GLIS3: variants seen among roughly 807,000 people sequenced by gnomAD.
GLIS3 encodes zinc finger protein GLIS3.
GLIS3 carries 53 observed loss-of-function variants against 78.6 expected under a neutral mutation model. The observed-to-expected ratio is 0.67, with a 90% CI of 0.54 to 0.85. GLIS3 has a LOEUF of 0.85. Ranked by LOEUF, GLIS3 falls within the 40% of genes least tolerant of loss-of-function variation. GLIS3 has a pLI of 0.00. For missense variants in GLIS3, 1,703 were observed against 1,231.1 expected, an observed-to-expected ratio of 1.38 and a Z score of -5.74; for synonymous variants, 684 against 509.9, an observed-to-expected ratio of 1.34 and a Z score of -4.60.
intron 2 of GLIS3, among the ~76,000 whole-genome samples, chr9:4,128,944 C>T (rs1224163908): frequency 2.0e-5 from 3 of 152,166 alleles, no homozygotes; most frequent in East Asian, 1.9e-4. Flanking sequence ...CAACTTTAAC[C>T]CCATCTAAGC....
the GLIS3 span, among the ~76,000 whole-genome samples, chr9:4,392,974 T>C: frequency 2.0e-5 from 3 of 152,150 alleles, no homozygotes; most frequent in Non-Finnish European, 4.4e-5. Flanking sequence ...CTTAACTTGT[T>C]TTTTAAAGTG....
intron 2 of GLIS3, among the ~76,000 whole-genome samples, chr9:4,194,126 C>T (rs1818582549): frequency 6.6e-6 from 1 of 152,104 alleles, no homozygotes; most frequent in Non-Finnish European, 1.5e-5. Flanking sequence ...GGTGCGATCT[C>T]GGCTCTCTGC....
chr9:3,914,270 T>C (rs1021434072), intron 6 of GLIS3, among the ~76,000 whole-genome samples: 4 of 152,028 alleles, frequency 2.6e-5, no homozygotes, highest in African/African-American at 9.7e-5. Flanking sequence ...CTCAGCCTCC[T>C]GAGTAGCTGG....
chr9:4,316,556 G>C (rs1587381910), intron 2 of GLIS3, among the ~76,000 whole-genome samples: 1 of 152,268 alleles, frequency 6.6e-6, no homozygotes, highest in East Asian at 1.9e-4. Context: ...GTCTATGTGG[G>C]TTTTCTCTGG....
intron 2 of GLIS3, among the ~76,000 whole-genome samples, chr9:4,323,676 C>T (rs1293283849): frequency 2.0e-5 from 3 of 152,210 alleles, no homozygotes; most frequent in African/African-American, 7.2e-5. Flanking sequence ...TATGTCTCCT[C>T]TGTGGTCATT....
chr9:4,348,740 G>A (rs1246206515), upstream of GLIS3, among the ~76,000 whole-genome samples: 1 of 150,922 alleles, frequency 6.6e-6, no homozygotes, highest in Non-Finnish European at 1.5e-5. Context: ...TGTTTTAGAG[G>A]AATCTTATTC....
At chr9:4,017,227 G>C (rs749019701) in intron 4 of GLIS3, among the ~76,000 whole-genome samples, 1 of 152,174 alleles carries the variant, frequency 6.6e-6, no homozygotes, top group Non-Finnish European at 1.5e-5. Context: ...CTTAGGTGAA[G>C]AGAGATGCTG....
At chr9:3,927,919 T>A (rs1413158620) in intron 6 of GLIS3, among the ~76,000 whole-genome samples, 2 of 152,174 alleles carry the variant, frequency 1.3e-5, no homozygotes, top group Admixed American at 1.3e-4. Flanking sequence ...TTAATTAGCA[T>A]AAAAATTTCT....
chr9:4,328,385 C>A lies in GLIS3; in HGVS notation n.265-17857G>T, dbSNP rs530536751. Among the ~76,000 whole-genome samples the A allele has an allele frequency of 7.9e-5, 12 of 152,298 alleles. 2 individuals carry two copies. Among genetic ancestry groups the A allele is most frequent in the African/African-American group, 2.6e-4 (11 of 41,566 alleles). On this transcript the variant is annotated intron_variant and non_coding_transcript_variant, in intron 2 of 4. Coordinates refer to the GLIS3 transcript ENST00000471664. ...CTAACCAGCAGCAGATAGAGGTGTT[C>A]ATGGCTCAGAGAGTCAGGAAAACAG...
At chr9:4,326,164 T>C (rs570743525) in intron 2 of GLIS3, among the ~76,000 whole-genome samples, 5 of 152,246 alleles carry the variant, frequency 3.3e-5, no homozygotes, top group African/African-American at 9.6e-5. Flanking sequence ...CATTTACCTA[T>C]GTAACAAACC....
chr9:3,956,404 A>G (rs547094257), intron 4 of GLIS3, among the ~76,000 whole-genome samples: 121 of 152,340 alleles, frequency 7.9e-4, no homozygotes, highest in African/African-American at 2.6e-3. Context: ...CCTGGACAGA[A>G]GCCTTCAGAT....
At chr9:3,982,562 A>G (rs1819390021) in intron 4 of GLIS3, among the ~76,000 whole-genome samples, 1 of 152,220 alleles carries the variant, frequency 6.6e-6, no homozygotes, top group African/African-American at 2.4e-5. Context: ...CAAAAGCTGG[A>G]TCACTTCATG....
At chr9:3,961,185 G>A (rs1387208327) in intron 4 of GLIS3, among the ~76,000 whole-genome samples, 1 of 152,144 alleles carries the variant, frequency 6.6e-6, no homozygotes, top group Non-Finnish European at 1.5e-5. Flanking sequence ...GAAAGTAAAT[G>A]GCTCATGAGA....
chr9:4,238,334 T>C (rs1451769772), intron 2 of GLIS3, among the ~76,000 whole-genome samples: 2 of 152,138 alleles, frequency 1.3e-5, no homozygotes, highest in South Asian at 2.1e-4. Context: ...GAGGGAATTG[T>C]TGTTTTGGTG....
At chr9:3,834,874 C>T (rs1004966726) in intron 9 of GLIS3, among the ~76,000 whole-genome samples, 1 of 152,200 alleles carries the variant, frequency 6.6e-6, no homozygotes, top group African/African-American at 2.4e-5. Flanking sequence ...GTACTATGTT[C>T]CCTTCTGAAG....
intron 4 of GLIS3, among the ~76,000 whole-genome samples, chr9:4,063,987 T>C (rs1826872680): frequency 6.6e-6 from 1 of 152,158 alleles, no homozygotes. Flanking sequence ...CTGTTCCAGA[T>C]GTCAAATATA....
At chr9:3,941,334 T>G (rs1293595033) in intron 4 of GLIS3, among the ~76,000 whole-genome samples, 1 of 152,134 alleles carries the variant, frequency 6.6e-6, no homozygotes, top group Non-Finnish European at 1.5e-5. Context: ...TGGAGACTCT[T>G]TAAATTCCCA....
At chr9:4,066,763 T>G (rs1827134233) in intron 4 of GLIS3, among the ~76,000 whole-genome samples, 1 of 152,238 alleles carries the variant, frequency 6.6e-6, no homozygotes, top group South Asian at 2.1e-4. Flanking sequence ...CAAGGTGAAG[T>G]GGAAGGAGTA....
At chr9:4,416,135 C>A in the GLIS3 span, among the ~76,000 whole-genome samples, 7 of 150,598 alleles carry the variant, frequency 4.6e-5, no homozygotes, top group African/African-American at 1.7e-4. Flanking sequence ...GCCTATAATC[C>A]CAGCACTTTG....
Sources: allele counts gnomAD v4.1 joint callset (sites outside exome capture counted in the v4.1 genomes callset), GRCh38; gene constraint gnomAD v4.1.1; transcripts MANE v1.5; gene names NCBI Gene and HGNC (gene_info 2026-07-23, HGNC 2026-07-21).